LRMDA: variants seen among roughly 807,000 people sequenced by gnomAD.
LRMDA encodes leucine rich melanocyte differentiation associated.
A neutral mutation model predicts 29.8 loss-of-function variants in LRMDA; 18 were observed. The ratio of observed to expected loss-of-function variants is 0.60; its 90% CI spans 0.42 to 0.90. The LOEUF (loss-of-function observed/expected upper bound fraction) is 0.90, where lower values mean the gene tolerates loss of function less well. LRMDA is among the 40% of genes least tolerant of loss of function. The pLI is 0.00. For missense variants in LRMDA, 273 were observed against 273.9 expected, an observed-to-expected ratio of 1.00 and a Z score of 0.02; for synonymous variants, 125 against 109.4, an observed-to-expected ratio of 1.14 and a Z score of -0.89.
intron 2 of LRMDA, among the ~76,000 whole-genome samples, chr10:75,954,015 G>C: frequency 6.6e-6 from 1 of 152,316 alleles, no homozygotes; most frequent in African/African-American, 2.4e-5. Context: ...GATTTGACAT[G>C]CTCTTGCTGG....
intron 6 of LRMDA, among the ~76,000 whole-genome samples, chr10:76,548,807 G>A (rs971844558): frequency 1.3e-5 from 2 of 152,124 alleles, no homozygotes; most frequent in Admixed American, 6.5e-5. Flanking sequence ...TCCTTTCCAG[G>A]ATTCACATAA....
At chr10:75,666,786 A>T (rs1252380281) in intron 2 of LRMDA, among the ~76,000 whole-genome samples, 1 of 152,196 alleles carries the variant, frequency 6.6e-6, no homozygotes, top group Non-Finnish European at 1.5e-5. Flanking sequence ...ACTGCATAGT[A>T]GTGATAAGGT....
intron 6 of LRMDA, among the ~76,000 whole-genome samples, chr10:76,509,332 C>T (rs1416111280): frequency 6.6e-6 from 1 of 152,128 alleles, no homozygotes; most frequent in Non-Finnish European, 1.5e-5. Context: ...CTGCCCTAGA[C>T]ATGAGTGATG....
intron 6 of LRMDA, among the ~76,000 whole-genome samples, chr10:76,523,270 C>T (rs78503998): frequency 0.018 from 2,774 of 152,246 alleles, 65 homozygotes; most frequent in African/African-American, 0.052. Flanking sequence ...CCTTCTTTCC[C>T]TCCCCAAAGT....
At chr10:76,321,414 G>T (rs928155404) in intron 5 of LRMDA, among the ~76,000 whole-genome samples, 1 of 152,076 alleles carries the variant, frequency 6.6e-6, no homozygotes, top group Non-Finnish European at 1.5e-5. Flanking sequence ...AATTTGCATT[G>T]CCCTTAGTCC....
chr10:75,907,185 G>C (rs1470878229), intron 2 of LRMDA, among the ~76,000 whole-genome samples: 1 of 151,750 alleles, frequency 6.6e-6, no homozygotes, highest in African/African-American at 2.4e-5. Context: ...GCACATATTG[G>C]GAAATTAACT....
chr10:76,302,599 T>C (rs1840495325), intron 5 of LRMDA, among the ~76,000 whole-genome samples: 1 of 152,174 alleles, frequency 6.6e-6, no homozygotes, highest in Admixed American at 6.5e-5. Flanking sequence ...TCTTGTTTCT[T>C]GCCTTTTAGA....
intron 5 of LRMDA, among the ~76,000 whole-genome samples, chr10:76,155,060 C>T (rs576443466): frequency 6.6e-6 from 1 of 152,232 alleles, no homozygotes; most frequent in South Asian, 2.1e-4. Context: ...AAAAACCTAG[C>T]AGTGTATTTC....
At chr10:76,238,391 G>C (rs978486996) in intron 5 of LRMDA, among the ~76,000 whole-genome samples, 1 of 152,100 alleles carries the variant, frequency 6.6e-6, no homozygotes, top group East Asian at 1.9e-4. Context: ...ACAGAGCCAC[G>C]AATTTAACTG....
chr10:75,615,629 A>T (rs1444428181), intron 2 of LRMDA, among the ~76,000 whole-genome samples: 1 of 152,220 alleles, frequency 6.6e-6, no homozygotes, highest in East Asian at 1.9e-4. Context: ...TGAGTAGAGT[A>T]CTTATTCTAA....
chr10:76,474,845 C>T (rs1842650910), intron 6 of LRMDA, among the ~76,000 whole-genome samples: 2 of 151,790 alleles, frequency 1.3e-5, no homozygotes, highest in South Asian at 4.2e-4. Context: ...AGCAATTCCA[C>T]TCCTAGGTAT....
chr10:75,518,839 A>G (rs944258545), intron 2 of LRMDA, among the ~76,000 whole-genome samples: 34 of 152,292 alleles, frequency 2.2e-4, no homozygotes, highest in African/African-American at 7.9e-4. Flanking sequence ...GTGGGCACTT[A>G]GTGCTATAAA....
chr10:76,160,536 A>G (rs1850626583), intron 5 of LRMDA, among the ~76,000 whole-genome samples: 1 of 152,114 alleles, frequency 6.6e-6, no homozygotes, highest in Admixed American at 6.6e-5. Flanking sequence ...AGAAGAGGGA[A>G]TAGATGTGAG....
At chr10:75,511,748 G>A (rs1008844597) in intron 2 of LRMDA, among the ~76,000 whole-genome samples, 3 of 152,314 alleles carry the variant, frequency 2.0e-5, no homozygotes, top group African/African-American at 7.2e-5. Context: ...TTGGACTGTT[G>A]TCTTTTTCTT....
chr10:76,035,867 C>T (rs1404688239), intron 2 of LRMDA, 141 bp from the exon 3 acceptor site: 7 of 430,292 alleles, frequency 1.6e-5, no homozygotes, highest in Non-Finnish European at 2.3e-5. Flanking sequence ...GCTACTAATT[C>T]TTGTCATTCA....
chr10:75,695,201 C>T (rs558198753), intron 2 of LRMDA, among the ~76,000 whole-genome samples: 19 of 151,934 alleles, frequency 1.3e-4, no homozygotes, highest in Non-Finnish European at 2.5e-4. Flanking sequence ...AAATACCCTA[C>T]AGGAGTTTGA....
intron 2 of LRMDA, among the ~76,000 whole-genome samples, chr10:75,793,274 T>C (rs1273452846): frequency 6.6e-6 from 1 of 152,158 alleles, no homozygotes; most frequent in Non-Finnish European, 1.5e-5. Context: ...TGTTGAAGGA[T>C]ATTCACTGTG....
intron 2 of LRMDA, among the ~76,000 whole-genome samples, chr10:75,823,303 C>T (rs148440817): frequency 0.01 from 1,530 of 152,080 alleles, 25 homozygotes; most frequent in African/African-American, 0.035. Flanking sequence ...GCAAAGGACA[C>T]GAACAGACAT....
At chr10:76,033,870 T>A (rs747884369) in intron 2 of LRMDA, among the ~76,000 whole-genome samples, 1 of 151,956 alleles carries the variant, frequency 6.6e-6, no homozygotes, top group African/African-American at 2.4e-5. Context: ...AAGCCTGACT[T>A]GCTGCACGCC....
Sources: allele counts gnomAD v4.1 joint callset (sites outside exome capture counted in the v4.1 genomes callset), GRCh38; gene constraint gnomAD v4.1.1; transcripts MANE v1.5; gene names NCBI Gene and HGNC (gene_info 2026-07-23, HGNC 2026-07-21).